Variants in NEURL1 observed in about 807,000 individuals in gnomAD.
NEURL1 encodes the protein E3 ubiquitin-protein ligase NEURL1.
Under a neutral mutation model 41.2 loss-of-function variants are expected in NEURL1, and 26 were observed. The observed-to-expected ratio is 0.63, with a 90% CI of 0.46 to 0.87. The LOEUF (loss-of-function observed/expected upper bound fraction) is 0.87, where lower values mean the gene tolerates loss of function less well. NEURL1 is among the 40% of genes least tolerant of loss of function. The pLI is 0.00. For synonymous variants in NEURL1, 400 were observed against 402.3 expected (o/e 0.99, Z 0.07); for missense variants, 761 against 871.1 (o/e 0.87, Z 1.59).
At chr10:103,552,769 G>A (rs1312860433) in intron 1 of NEURL1, among the ~76,000 whole-genome samples, 2 of 152,178 alleles carry the variant, frequency 1.3e-5, no homozygotes, top group Non-Finnish European at 2.9e-5. Flanking sequence ...GTGCACCCAG[G>A]AGAAGCTGGG....
intron 1 of NEURL1, among the ~76,000 whole-genome samples, chr10:103,530,479 A>G (rs1036411071): frequency 1.3e-5 from 2 of 151,968 alleles, no homozygotes; most frequent in East Asian, 3.9e-4. Flanking sequence ...ATGTATTTGT[A>G]CAATTTCACA....
chr10:103,561,053 C>T (rs560978698), intron 1 of NEURL1, among the ~76,000 whole-genome samples: 6 of 152,336 alleles, frequency 3.9e-5, no homozygotes, highest in Non-Finnish European at 7.3e-5. Flanking sequence ...GTGGCTGCTT[C>T]GCAAGGCTTG....
At chr10:103,588,305 CA>C (rs10678308) in intron 4 of NEURL1, among the ~76,000 whole-genome samples, 180 of 115,830 alleles carry the variant, frequency 1.6e-3, no homozygotes, top group Middle Eastern at 5.7e-3. Flanking sequence ...GACTCCGTCT[CA>C]AAAAAAAAAA....
intron 1 of NEURL1, among the ~76,000 whole-genome samples, chr10:103,533,730 G>A (rs2034627478): frequency 6.6e-6 from 1 of 152,124 alleles, no homozygotes; most frequent in Non-Finnish European, 1.5e-5. Flanking sequence ...TAGAGACGGG[G>A]TTTCACCGTG....
intron 1 of NEURL1, among the ~76,000 whole-genome samples, chr10:103,548,613 A>G (rs2034972134): frequency 1.3e-5 from 2 of 152,096 alleles, no homozygotes; most frequent in South Asian, 4.1e-4. Context: ...GTGAGCCACC[A>G]CGCCTGGCTG....
At chr10:103,539,774 G>A (rs776447587) in intron 1 of NEURL1, among the ~76,000 whole-genome samples, 1 of 152,210 alleles carries the variant, frequency 6.6e-6, no homozygotes, top group Non-Finnish European at 1.5e-5. Context: ...GTGTAGGCAT[G>A]TGACTACATT....
chr10:103,572,661 T>C (rs1030058648), intron 3 of NEURL1, among the ~76,000 whole-genome samples: 2 of 152,224 alleles, frequency 1.3e-5, no homozygotes, highest in Non-Finnish European at 2.9e-5. Flanking sequence ...GGACTAGAAC[T>C]CAGGTCACCT....
At chr10:103,506,829 G>T (rs2033959338) in intron 1 of NEURL1, among the ~76,000 whole-genome samples, 2 of 151,986 alleles carry the variant, frequency 1.3e-5, no homozygotes, top group Admixed American at 1.3e-4. Context: ...CAAAGTACGG[G>T]GGATTACAGG....
chr10:103,538,713 C>T, intron 1 of NEURL1, among the ~76,000 whole-genome samples: 1 of 147,810 alleles, frequency 6.8e-6, no homozygotes, highest in Non-Finnish European at 1.5e-5. Flanking sequence ...GTGGCACGAT[C>T]TCGGCTCACT....
At chr10:103,571,202 G>C in intron 2 of NEURL1, 89 bp downstream of exon 2, 1 of 1,301,090 alleles carries the variant, frequency 7.7e-7, no homozygotes, top group Admixed American at 1.8e-5. Context: ...CCCCTCAGCC[G>C]CTGCCTGCTG....
chr10:103,585,199 G>A lies in NEURL1; in HGVS notation c.1313G>A (p.Gly438Glu), dbSNP rs1177769492. 6.4e-7 allele frequency: 1 copy of A among 1,565,380 alleles called. No homozygotes were observed. The highest frequency in any genetic ancestry group is 8.6e-7 in the Non-Finnish European group (1 of 1,159,116). ...QPLWMLFGLH[G>E]TITQIRILGS... ...CTTTGGATGCTCTTCGGCCTGCACG[G>A]GACCATCACGCAGATCCGCATCCTC... Residue 438 changes from glycine to glutamate, a missense_variant, in exon 4 of 6, where the codon GGG becomes GAG. Transcript: ENST00000369780.
At chr10:103,570,843 C>T in intron 1 of NEURL1, 29 bp from the exon 2 acceptor site, 2 of 1,599,636 alleles carry the variant, frequency 1.3e-6, no homozygotes, top group Middle Eastern at 1.7e-4. Flanking sequence ...CCGCCAAGTT[C>T]TCTGACACCG....
chr10:103,549,910 G>A (rs1354264088), intron 1 of NEURL1, among the ~76,000 whole-genome samples: 2 of 152,244 alleles, frequency 1.3e-5, no homozygotes, highest in East Asian at 1.9e-4. Context: ...CCTTGGCAAA[G>A]TCTCTATCAT....
chr10:103,565,663 A>C (rs2035407351), intron 1 of NEURL1, among the ~76,000 whole-genome samples: 1 of 152,096 alleles, frequency 6.6e-6, no homozygotes, highest in South Asian at 2.1e-4. Flanking sequence ...TTTTAAATTT[A>C]ATTTTTTGTT....
At chr10:103,533,703 A>AT (rs1169196734) in intron 1 of NEURL1, among the ~76,000 whole-genome samples, 6 of 151,914 alleles carry the variant, frequency 3.9e-5, no homozygotes, top group Non-Finnish European at 8.8e-5. Context: ...CACCCGGCTA[A>AT]TTTTTTGTAT....
intron 1 of NEURL1, among the ~76,000 whole-genome samples, chr10:103,532,376 G>A (rs2034590660): frequency 6.6e-6 from 1 of 152,036 alleles, no homozygotes; most frequent in Non-Finnish European, 1.5e-5. Flanking sequence ...ACACTTTTAT[G>A]TGTTTTCATG....
In NEURL1 at chr10:103,589,576, A is replaced by AC; in HGVS notation, c.1404dup (p.Ser469LeufsTer11). 5 of 1,613,210 alleles carry AC rather than the reference A, an allele frequency of 3.1e-6. No homozygotes were observed. The highest frequency in any genetic ancestry group is 4.2e-6 in the Non-Finnish European group (5 of 1,179,726). Reference sequence around the variant, plus strand: ...CCCCTGCTCCCCTGCCTCCACGCCAACCTCGCCCAGTGCCCTGGGCAGCCG... The same window carrying AC: ...CCCCTGCTCCCCTGCCTCCACGCCAACCCTCGCCCAGTGCCCTGGGCAGCCG... On this transcript the variant is annotated frameshift_variant, in exon 5 of 6. Coordinates refer to ENST00000369780, the MANE Select transcript of NEURL1 (RefSeq NM_004210.5). LOFTEE classifies it high-confidence loss of function.
At chr10:103,522,443 A>C (rs2034371902) in intron 1 of NEURL1, among the ~76,000 whole-genome samples, 1 of 137,314 alleles carries the variant, frequency 7.3e-6, no homozygotes, top group Admixed American at 7.8e-5. Flanking sequence ...CCCCATCTCT[A>C]CTAATAATAC....
intron 1 of NEURL1, among the ~76,000 whole-genome samples, chr10:103,557,488 A>G (rs1348950056): frequency 6.6e-6 from 1 of 152,160 alleles, no homozygotes. Context: ...AGCGCTCATC[A>G]AATGCCACAT....
Sources: allele counts gnomAD v4.1 joint callset (sites outside exome capture counted in the v4.1 genomes callset), GRCh38; gene constraint gnomAD v4.1.1; transcripts MANE v1.5; gene names NCBI Gene and HGNC (gene_info 2026-07-23, HGNC 2026-07-21).